The following REXO1 variants were observed in gnomAD, a reference collection of about 807,000 sequenced individuals.
REXO1 encodes the protein RNA exonuclease 1 homolog.
Under a neutral mutation model 102.6 loss-of-function variants are expected in REXO1, and 42 were observed. The ratio of observed to expected loss-of-function variants is 0.41; its 90% confidence interval spans 0.32 to 0.53. The LOEUF is 0.53. Ranked by LOEUF, REXO1 falls within the 20% of genes least tolerant of loss-of-function variation. REXO1 has a pLI of 0.27. For missense variants in REXO1, 1,819 were observed against 1,732.5 expected (o/e 1.05, Z -0.89); for synonymous variants, 908 against 779.1 (o/e 1.17, Z -2.76).
chr19:1,819,203 AC>A, intron 7 of REXO1, 72 bp from the exon 8 acceptor site: 1 of 1,016,840 alleles, frequency 9.8e-7, no homozygotes, highest in Non-Finnish European at 1.3e-6. Flanking sequence ...CTGCTCTCCC[AC>A]CCACCCTGCC....
chr19:1,848,116 G>A (rs924395014), intron 1 of REXO1, 86 bp downstream of exon 1: 1 of 685,554 alleles, frequency 1.5e-6, no homozygotes, highest in Non-Finnish European at 2.0e-6. Flanking sequence ...GCTGGGCCGA[G>A]AACGGGGACC....
chr19:1,846,273 G>A (rs2011535015), intron 1 of REXO1, among the ~76,000 whole-genome samples: 1 of 152,200 alleles, frequency 6.6e-6, no homozygotes, highest in African/African-American at 2.4e-5. Flanking sequence ...GTCCTCAGAG[G>A]GCAGCCTGAT....
In REXO1 at chr19:1,826,558, G is replaced by C. The variant is rs1390767831; in HGVS notation, c.1911+320C>G. Among the ~76,000 whole-genome samples the C allele has an allele frequency of 1.3e-5, 2 of 151,536 alleles. No homozygotes were observed. Among genetic ancestry groups the C allele is most frequent in the Admixed American group, 1.3e-4 (2 of 15,238 alleles). On this transcript the variant is annotated intron_variant, in intron 2 of 15. Coordinates refer to ENST00000170168, the MANE Select transcript of REXO1 (RefSeq NM_020695.4). The surrounding 1 kb of genome is among the most constrained non-coding windows in gnomAD (Gnocchi z 4.3). ...GAGGGGCTAGAAGGGTGTGCCGGAG[G>C]TGGATTCCCCTGAGGTGGGTGGGTG...
At position 1,817,338 on chromosome 19, in the gene REXO1, G is replaced by A. The variant is rs1247166679; in HGVS notation, c.3091-9C>T. ...CCATCCTGCACGTGTTGCTGGGGGT[G>A]GAGAAGGCAGGTGAGGGCAGCTTCG... On this transcript the variant is annotated splice_polypyrimidine_tract_variant and intron_variant, in intron 11 of 15. Coordinates refer to ENST00000170168, the MANE Select transcript of REXO1 (RefSeq NM_020695.4). 3 of 1,611,846 alleles carry A rather than the reference G, an allele frequency of 1.9e-6. No homozygotes were observed. The highest frequency in any genetic ancestry group is 8.5e-7 in the Non-Finnish European group (1 of 1,179,960).
chr19:1,817,067 G>T, intron 12 of REXO1, 152 bp downstream of exon 12: 2 of 937,068 alleles, frequency 2.1e-6, no homozygotes, highest in Non-Finnish European at 1.6e-6. Context: ...ATGGGGTGTT[G>T]GTCCAGGGCA....
chr19:1,827,611 GCCC>G lies in REXO1; in HGVS notation c.1175_1177del (p.Gly392del). 3 of 1,581,500 alleles carry G rather than the reference GCCC, an allele frequency of 1.9e-6. No individual in the cohort carries two copies. The highest frequency in any genetic ancestry group is 2.3e-5 in the South Asian group (2 of 86,640). ...GTCCTTGGTCTTGTCCTTCCCCTGG[GCCC>G]CGTCTTTGCAGCTGGGGGCAGGTGG... On this transcript the variant is annotated inframe_deletion, in exon 2 of 16. Coordinates refer to ENST00000170168, the MANE Select transcript of REXO1 (RefSeq NM_020695.4).
intron 1 of REXO1, among the ~76,000 whole-genome samples, chr19:1,841,252 A>G (rs927339828): frequency 6.6e-6 from 1 of 152,158 alleles, no homozygotes; most frequent in Non-Finnish European, 1.5e-5. Flanking sequence ...TCTGCAGCAG[A>G]TCATACCAAC....
At position 1,823,603 on chromosome 19, in the gene REXO1, G is replaced by C. The variant is rs953053948; in HGVS notation, c.2199C>G (p.Ile733Met). ...HISAPGEKRR[I>M]AHIPNPRLAA... is the part of the protein sequence containing the mutation. ...CCAGGCGGGGGTTGGGGATGTGGGC[G>C]ATCCTCCTCTTCTCGCCAGGGGCGG... Residue 733 changes from isoleucine to methionine, a missense_variant, in exon 4 of 16, where the codon ATC (isoleucine) becomes ATG (methionine). Physicochemically the swap from Ile to Met is conservative, Grantham distance 10. Transcript: ENST00000170168. 11 of 1,322,320 alleles carry C rather than the reference G, an allele frequency of 8.3e-6. No individual in the cohort carries two copies. In the South Asian group the frequency reaches 2.4e-4, roughly 29 times the overall value. The allele number at this position is 1,322,320 out of a possible 1,614,324, so 81.9% of individuals were successfully genotyped here.
chr19:1,836,427 C>T (rs922429495), intron 1 of REXO1, among the ~76,000 whole-genome samples: 97 of 152,228 alleles, frequency 6.4e-4, no homozygotes, highest in African/African-American at 2.2e-3. Flanking sequence ...CCCACCCAGA[C>T]GGGGAGACTC....
intron 3 of REXO1, among the ~76,000 whole-genome samples, chr19:1,824,952 A>G (rs2069665778): frequency 6.6e-6 from 1 of 151,912 alleles, no homozygotes; most frequent in Non-Finnish European, 1.5e-5. Flanking sequence ...CGCCCAGCTA[A>G]TATTTTGTAT....
chr19:1,821,556 A>G lies in REXO1; in HGVS notation c.2357T>C (p.Ile786Thr), dbSNP rs1568686226. Residue 786 changes from isoleucine to threonine, a missense_variant, in exon 5 of 16, where the codon ATC (isoleucine) becomes ACC (threonine). Coordinates refer to ENST00000170168, the MANE Select transcript of REXO1 (RefSeq NM_020695.4). ...SGMASKTTTT[I>T]IPKRIAHSPS... ...ACTGTGGGCGATTCGCTTAGGGATG[A>G]TGGTGGTGGTAGTCTTGGACGCCAT... The G allele has an allele frequency of 1.2e-6, 2 of 1,613,818 alleles. No homozygotes were observed. Among genetic ancestry groups the G allele is most frequent in the Admixed American group, 1.7e-5 (1 of 60,014 alleles).
At chr19:1,828,749 C>A (rs2069822988) in intron 1 of REXO1, 118 bp from the exon 2 acceptor site, 3 of 1,294,594 alleles carry the variant, frequency 2.3e-6, no homozygotes, top group Admixed American at 5.3e-5. Context: ...AAACCCACCA[C>A]GCACTGGCGC....
rs777700881 is a variant in REXO1, at chr19:1,816,049, T to C, written c.*17A>G. The C allele has an allele frequency of 3.1e-5, 48 of 1,536,474 alleles. 1 individual carries two copies. The East Asian group carries it at 1.0e-3, about 32-fold the overall frequency. On this transcript the variant is annotated 3_prime_UTR_variant, in exon 16 of 16. Transcript: ENST00000170168. ...CCAGCGGGACGGCAGGAGAGGCGGGTGGGAGGCGGGCAGGCGTCATCGCTT... is the reference window on the plus strand; with the variant it reads ...CCAGCGGGACGGCAGGAGAGGCGGGCGGGAGGCGGGCAGGCGTCATCGCTT...
intron 1 of REXO1, among the ~76,000 whole-genome samples, chr19:1,839,204 A>G (rs907880672): frequency 6.6e-6 from 1 of 151,456 alleles, no homozygotes; most frequent in Non-Finnish European, 1.5e-5. Flanking sequence ...GCAGTGAGCC[A>G]AGATCACGCC....
At chr19:1,825,466 C>T (rs1034236258) in intron 3 of REXO1, among the ~76,000 whole-genome samples, 2 of 143,004 alleles carry the variant, frequency 1.4e-5, no homozygotes, top group Admixed American at 7.1e-5. Flanking sequence ...CAAAGCAAGA[C>T]CCCCTTTTTT....
chr19:1,816,656 C>A (rs768670503), intron 13 of REXO1, 42 bp downstream of exon 13: 9 of 1,600,266 alleles, frequency 5.6e-6, no homozygotes, highest in Admixed American at 3.4e-5. Flanking sequence ...TGGGGAGAGG[C>A]GGCTGGGAGG....
At chr19:1,831,294 C>A (rs897367285) in intron 1 of REXO1, among the ~76,000 whole-genome samples, 6 of 152,256 alleles carry the variant, frequency 3.9e-5, no homozygotes, top group African/African-American at 1.4e-4. Context: ...TCTGACTGAA[C>A]GTGCAGCTTG....
rs79175460 is a variant in REXO1, at chr19:1,837,407, G to A, written c.158-8776C>T. Among the ~76,000 whole-genome samples, 684 of 152,336 alleles carry A rather than the reference G, an allele frequency of 4.5e-3. 4 individuals carry two copies. The highest frequency in any genetic ancestry group is 0.015 in the African/African-American group (642 of 41,574). On this transcript the variant is annotated intron_variant, in intron 1 of 15. Transcript: ENST00000170168. The stretch of plus-strand genomic sequence containing the variant: ...GACAGATAGGAACCCGCTGCTCAGA[G>A]GCAAAGGGACCAGCACTCTGCACCC...
chr19:1,815,957 C>A lies in REXO1; in HGVS notation c.*109G>T. Reference sequence around the variant, plus strand: ...CAGCTCATCCCGCTGCTCTGGGCTGCCTCGGCCAGGTGGACGGGTTACCGG... The same window carrying A: ...CAGCTCATCCCGCTGCTCTGGGCTGACTCGGCCAGGTGGACGGGTTACCGG... On this transcript the variant is annotated 3_prime_UTR_variant, in exon 16 of 16. Coordinates refer to ENST00000170168, the MANE Select transcript of REXO1 (RefSeq NM_020695.4). The surrounding 1 kb of genome is among the most constrained non-coding windows in gnomAD (Gnocchi z 4.0). 1 of 1,535,372 alleles carries A rather than the reference C, an allele frequency of 6.5e-7. No individual in the cohort carries two copies. Among genetic ancestry groups the A allele is most frequent in the South Asian group, 1.2e-5 (1 of 83,962 alleles).
Sources: allele counts gnomAD v4.1 joint callset (sites outside exome capture counted in the v4.1 genomes callset), GRCh38; gene constraint gnomAD v4.1.1; non-coding constraint Gnocchi (gnomAD v3.1); transcripts MANE v1.5; gene names NCBI Gene and HGNC (gene_info 2026-07-23, HGNC 2026-07-21).